Variants in LAMP3 observed in about 807,000 individuals in gnomAD.
LAMP3 encodes the protein lysosome associated membrane protein 3, also known as lysosome-associated membrane glycoprotein 3.
LAMP3 carries 26 observed loss-of-function variants against 34.8 expected under a neutral mutation model. The observed-to-expected ratio is 0.75, with a 90% CI of 0.55 to 1.04. LAMP3 has a LOEUF of 1.04. LAMP3 is among the 50% of genes least tolerant of loss of function. The pLI, the probability that LAMP3 is intolerant of heterozygous loss-of-function variation, is 0.00. For synonymous variants in LAMP3, 180 were observed against 201.9 expected, an observed-to-expected ratio of 0.89 and a Z score of 0.92; for missense variants, 495 against 524.0, an observed-to-expected ratio of 0.94 and a Z score of 0.54.
At chr3:183,130,486 C>T (rs1302894444) in intron 5 of LAMP3, among the ~76,000 whole-genome samples, 2 of 152,164 alleles carry the variant, frequency 1.3e-5, no homozygotes, top group Non-Finnish European at 2.9e-5. Flanking sequence ...TAATTTCAAA[C>T]TATTCTTATT....
At chr3:183,133,118 T>C (rs1166542454) in intron 5 of LAMP3, among the ~76,000 whole-genome samples, 2 of 152,184 alleles carry the variant, frequency 1.3e-5, no homozygotes, top group Non-Finnish European at 2.9e-5. Context: ...AAAGGGTCAA[T>C]ACAGTGGATC....
At chr3:183,149,368 C>T (rs138006075) in intron 3 of LAMP3, among the ~76,000 whole-genome samples, 10,433 of 150,932 alleles carry the variant, frequency 0.069, 407 homozygotes, top group East Asian at 0.16. Flanking sequence ...GGTGAGACCC[C>T]GTCTCTACTA....
rs73886243 is a variant in LAMP3 at position 183,140,086 on chromosome 3, G to A, written c.946+452C>T. On this transcript the variant is annotated intron_variant, in intron 4 of 5. Coordinates refer to ENST00000265598, the MANE Select transcript of LAMP3 (RefSeq NM_014398.4). ...TAGTAAAGTCCCCCAAAATCACATT[G>A]CTGGCTGCTTTCTCAGTCTGTTCCT... is the stretch of plus-strand genomic sequence containing the variant. Among the ~76,000 whole-genome samples the A allele has an allele frequency of 8.6e-4, 131 of 152,200 alleles. 2 individuals are homozygous for A. Among genetic ancestry groups the A allele is most frequent in the African/African-American group, 2.9e-3 (122 of 41,530 alleles).
chr3:183,127,467 T>G (rs181748371), intron 5 of LAMP3, among the ~76,000 whole-genome samples: 2 of 152,236 alleles, frequency 1.3e-5, no homozygotes, highest in Non-Finnish European at 2.9e-5. Context: ...TTTTTAACAT[T>G]GTCTATGTTT....
intron 4 of LAMP3, among the ~76,000 whole-genome samples, chr3:183,138,848 G>C (rs565067232): frequency 6.6e-6 from 1 of 151,924 alleles, no homozygotes; most frequent in Non-Finnish European, 1.5e-5. Flanking sequence ...TTCTCTCTCC[G>C]GGCACACTGG....
intron 1 of LAMP3, among the ~76,000 whole-genome samples, chr3:183,157,647 T>C (rs544370068): frequency 6.6e-6 from 1 of 152,256 alleles, no homozygotes; most frequent in South Asian, 2.1e-4. Context: ...GAAGTGATTA[T>C]ATCCTTGATA....
chr3:183,133,728 G>T (rs753083483), intron 5 of LAMP3, among the ~76,000 whole-genome samples: 3 of 152,158 alleles, frequency 2.0e-5, no homozygotes, highest in Non-Finnish European at 4.4e-5. Flanking sequence ...AACAGCAAAA[G>T]AAAAGGACAG....
Position 183,123,978 on chromosome 3 carries a change from T to G in LAMP3, c.*103A>C. Reference sequence around the variant, plus strand: ...TTTGAATAGAAGATGGTGGTTTACATTGTTTGAAGGACCCACACTCTGAGG... The same window carrying G: ...TTTGAATAGAAGATGGTGGTTTACAGTGTTTGAAGGACCCACACTCTGAGG... On this transcript the variant is annotated 3_prime_UTR_variant, in exon 6 of 6. Coordinates refer to ENST00000265598, the MANE Select transcript of LAMP3 (RefSeq NM_014398.4). 1 of 1,265,672 alleles carries G rather than the reference T, an allele frequency of 7.9e-7. No individual in the cohort carries two copies. Among genetic ancestry groups the G allele is most frequent in the Non-Finnish European group, 1.1e-6 (1 of 882,726 alleles). 78.4% of individuals were successfully genotyped at this position (1,265,672 alleles called of 1,614,324 possible).
chr3:183,127,564 C>A (rs1250969156), intron 5 of LAMP3, among the ~76,000 whole-genome samples: 1 of 151,866 alleles, frequency 6.6e-6, no homozygotes, highest in Non-Finnish European at 1.5e-5. Context: ...CTGTCCATTT[C>A]ATTTTATAAT....
chr3:183,135,237 G>A (rs570668462), intron 5 of LAMP3, among the ~76,000 whole-genome samples: 15 of 152,322 alleles, frequency 9.8e-5, no homozygotes, highest in African/African-American at 3.6e-4. Context: ...CCAACAGCTT[G>A]TAATTGAGAT....
At chr3:183,156,286 G>A (rs549109512) in intron 1 of LAMP3, among the ~76,000 whole-genome samples, 145 of 152,242 alleles carry the variant, frequency 9.5e-4, no homozygotes, top group Non-Finnish European at 1.8e-3. Flanking sequence ...GCTTGAACCC[G>A]GGAGGCTGAG....
chr3:183,132,688 G>T (rs1481337156), intron 5 of LAMP3: 1 of 985,330 alleles, frequency 1.0e-6, no homozygotes, highest in Non-Finnish European at 1.2e-6. Context: ...TTGGTGGAAA[G>T]TTAGGTTTCC....
At chr3:183,131,943 ATGTT>A (rs1719936685) in intron 5 of LAMP3, 1 of 985,360 alleles carries the variant, frequency 1.0e-6, no homozygotes, top group Non-Finnish European at 1.2e-6. Flanking sequence ...CTTTTGGTGA[ATGTT>A]TGCGTAAAAG....
intron 1 of LAMP3, among the ~76,000 whole-genome samples, chr3:183,161,516 G>A (rs796877919): frequency 2.0e-4 from 30 of 152,030 alleles, no homozygotes; most frequent in African/African-American, 6.8e-4. Flanking sequence ...TCAGTCTCCC[G>A]AGTACCTGGG....
At chr3:183,162,846 G>T (rs867373100), upstream of LAMP3, 79 of 547,294 alleles carry the variant, frequency 1.4e-4, no homozygotes, top group South Asian at 1.2e-3. Context: ...GGAGCAGGGA[G>T]GGGCGGGGAC....
intron 1 of LAMP3, 103 bp downstream of exon 1, chr3:183,162,504 C>T: frequency 8.4e-7 from 1 of 1,196,966 alleles, no homozygotes; most frequent in Non-Finnish European, 1.2e-6. Flanking sequence ...CCACACCTCC[C>T]TACCCGCAGC....
At chr3:183,150,204 G>A (rs1164698899) in intron 3 of LAMP3, among the ~76,000 whole-genome samples, 2 of 152,180 alleles carry the variant, frequency 1.3e-5, no homozygotes, top group East Asian at 3.8e-4. Flanking sequence ...CCCTACCCTT[G>A]GAGGAAGAGG....
At chr3:183,155,320 T>C (rs1560316127) in intron 1 of LAMP3, among the ~76,000 whole-genome samples, 1 of 152,202 alleles carries the variant, frequency 6.6e-6, no homozygotes, top group Non-Finnish European at 1.5e-5. Context: ...CACAATACAG[T>C]CCTTTCCATT....
intron 5 of LAMP3, among the ~76,000 whole-genome samples, chr3:183,130,645 T>G (rs1719891121): frequency 6.6e-6 from 1 of 152,148 alleles, no homozygotes; most frequent in Admixed American, 6.6e-5. Context: ...AGTTAATGTT[T>G]CCCTTTGGGT....
Sources: allele counts gnomAD v4.1 joint callset (sites outside exome capture counted in the v4.1 genomes callset), GRCh38; gene constraint gnomAD v4.1.1; transcripts MANE v1.5; gene names NCBI Gene and HGNC (gene_info 2026-07-23, HGNC 2026-07-21).